The following BAZ1A variants were observed in gnomAD, a reference collection of about 807,000 sequenced individuals.
The protein encoded by BAZ1A is bromodomain adjacent to zinc finger domain protein 1A.
Under a neutral mutation model 185.2 loss-of-function variants are expected in BAZ1A, and 50 were observed. That is an observed-to-expected ratio of 0.27 (90% CI 0.22 to 0.34). The LOEUF (loss-of-function observed/expected upper bound fraction) is 0.34, where lower values mean the gene tolerates loss of function less well. Among genes scored for constraint, BAZ1A ranks in the 10% least tolerant of loss-of-function variants. BAZ1A has a pLI of 1.00. For synonymous variants in BAZ1A, 571 were observed against 615.6 expected (o/e 0.93, Z 1.07); for missense variants, 1,356 against 1,839.9 (o/e 0.74, Z 4.81).
chr14:34,794,951 A>T (rs1486220181), intron 10 of BAZ1A, 64 bp from the exon 11 acceptor site: 1 of 1,576,308 alleles, frequency 6.3e-7, no homozygotes, highest in Non-Finnish European at 8.6e-7. Context: ...AAAGGCAGAG[A>T]TGACATACTT....
At chr14:34,843,425 G>A (rs1164339742) in intron 3 of BAZ1A, among the ~76,000 whole-genome samples, 1 of 152,078 alleles carries the variant, frequency 6.6e-6, no homozygotes, top group Non-Finnish European at 1.5e-5. Flanking sequence ...AACAAGTTAG[G>A]GCTAGTCGCC....
chr14:34,830,059 G>A (rs1261596981), intron 3 of BAZ1A, among the ~76,000 whole-genome samples: 2 of 152,104 alleles, frequency 1.3e-5, no homozygotes, highest in Non-Finnish European at 2.9e-5. Flanking sequence ...TAATAGTATT[G>A]GTGAGGATGT....
At chr14:34,833,202 G>A (rs550565421) in intron 3 of BAZ1A, among the ~76,000 whole-genome samples, 1 of 152,076 alleles carries the variant, frequency 6.6e-6, no homozygotes, top group Admixed American at 6.6e-5. Flanking sequence ...CTACACTTCA[G>A]ACACTGTCTC....
chr14:34,873,640 C>G (rs1251068011), intron 2 of BAZ1A, among the ~76,000 whole-genome samples: 1 of 152,210 alleles, frequency 6.6e-6, no homozygotes, highest in Non-Finnish European at 1.5e-5. Context: ...CAACCTCCAC[C>G]GCGCTTCCCG....
intron 25 of BAZ1A, among the ~76,000 whole-genome samples, chr14:34,756,466 A>AT (rs1158606061): frequency 0.17 from 13,569 of 78,312 alleles, 2,196 homozygotes; most frequent in East Asian, 0.38. Flanking sequence ...CAGAATACCT[A>AT]TTTTTTTTTT....
At position 34,758,840 on chromosome 14, in the gene BAZ1A, G is replaced by A. The variant is rs895954036; in HGVS notation, c.4250C>T (p.Ser1417Leu). Residue 1417 changes from serine (S) to leucine (L), a missense_variant, in exon 25 of 27, where the codon TCG becomes TTG. By Grantham distance (145) the Ser-to-Leu change is moderately radical. Coordinates refer to ENST00000360310, the MANE Select transcript of BAZ1A (RefSeq NM_013448.3). ...ACTCCTTCGACCCAGTGTCACAGGC[G>A]ATGGCTCTGAGTAAATAATTACAAC... ...RCRKRQSPEP[S>L]PVTLGRRSSG... 13 of 1,613,526 alleles carry A rather than the reference G, an allele frequency of 8.1e-6. No individual in the cohort carries two copies. The highest frequency in any genetic ancestry group is 4.5e-5 in the East Asian group (2 of 44,892).
chr14:34,847,887 T>G (rs1337868192), intron 3 of BAZ1A, among the ~76,000 whole-genome samples: 1 of 152,208 alleles, frequency 6.6e-6, no homozygotes, highest in Non-Finnish European at 1.5e-5. Context: ...TGAGATAGTG[T>G]CTCGCTCTGT....
chr14:34,821,430 C>T (rs1483726113), intron 4 of BAZ1A, among the ~76,000 whole-genome samples: 1 of 152,152 alleles, frequency 6.6e-6, no homozygotes, highest in African/African-American at 2.4e-5. Flanking sequence ...AAACAACCTA[C>T]TAAAACATGA....
chr14:34,774,237 A>T lies in BAZ1A; in HGVS notation c.2997+90T>A, dbSNP rs2138582133. 4.9e-6 allele frequency: 5 copies of T among 1,030,384 alleles called. No individual in the cohort carries two copies. The South Asian group carries it at 1.0e-4, about 21-fold the overall frequency. 63.8% of individuals were successfully genotyped at this position (1,030,384 alleles called of 1,614,324 possible). On this transcript the variant is annotated intron_variant, in intron 19 of 26. Coordinates refer to ENST00000360310, the MANE Select transcript of BAZ1A (RefSeq NM_013448.3). ...TCTCTGGTGTTTATTCAAAACACATATGCCTTGTCTATGCCATATAATTAA... is the reference window on the plus strand; with the variant it reads ...TCTCTGGTGTTTATTCAAAACACATTTGCCTTGTCTATGCCATATAATTAA...
At chr14:34,822,161 G>A (rs1373240867) in intron 4 of BAZ1A, among the ~76,000 whole-genome samples, 1 of 152,022 alleles carries the variant, frequency 6.6e-6, no homozygotes, top group East Asian at 1.9e-4. Context: ...TGGGTGTGGT[G>A]GCATGCACCT....
chr14:34,764,299 TTTTTTTTTTGAGATGGAG>T (rs1348154676), intron 23 of BAZ1A, among the ~76,000 whole-genome samples: 122 of 146,250 alleles, frequency 8.3e-4, no homozygotes, highest in Non-Finnish European at 1.3e-3. Context: ...CTTTTTTTTT[TTTTTTTTTTGAGATGGAG>T]TCTCGCTCTT....
At chr14:34,852,783 T>C (rs1369695508) in intron 3 of BAZ1A, among the ~76,000 whole-genome samples, 1 of 152,172 alleles carries the variant, frequency 6.6e-6, no homozygotes, top group Non-Finnish European at 1.5e-5. Context: ...GTTCATTTAA[T>C]ACGTGAAAAA....
intron 2 of BAZ1A, among the ~76,000 whole-genome samples, chr14:34,863,226 G>A (rs1182308906): frequency 3.0e-5 from 4 of 133,666 alleles, no homozygotes; most frequent in East Asian, 2.2e-4. Context: ...GTGCAATGGC[G>A]CGATCTCGGC....
intron 2 of BAZ1A, among the ~76,000 whole-genome samples, chr14:34,864,769 G>A (rs971073981): frequency 4.0e-5 from 5 of 123,730 alleles, no homozygotes; most frequent in East Asian, 4.6e-4. Context: ...CGCACACAGC[G>A]CAATAAATTT....
chr14:34,756,489 T>C (rs2138523600), intron 25 of BAZ1A, among the ~76,000 whole-genome samples: 1 of 144,538 alleles, frequency 6.9e-6, no homozygotes, highest in African/African-American at 2.6e-5. Context: ...TTTTTTTTTT[T>C]TTGAGACAGA....
chr14:34,802,744 T>C (rs1881634001), intron 7 of BAZ1A, 110 bp downstream of exon 7: 4 of 1,169,806 alleles, frequency 3.4e-6, no homozygotes, highest in Non-Finnish European at 4.7e-6. Flanking sequence ...GGTGAGGTAA[T>C]GAGTTTCTTC....
rs371214248 is a variant in BAZ1A at position 34,783,748 on chromosome 14, C to G, written c.1997+14G>C. The G allele has an allele frequency of 1.4e-5, 22 of 1,598,580 alleles. No individual in the cohort carries two copies. In the African/African-American group the frequency reaches 2.8e-4, roughly 21 times the overall value. On this transcript the variant is annotated intron_variant, in intron 15 of 26. Coordinates refer to ENST00000360310, the MANE Select transcript of BAZ1A (RefSeq NM_013448.3). ...ACAGCTTTCATTAACACAACTATTA[C>G]AATTATCTCTTACCTGGCAGCTGCT...
At position 34,753,437 on chromosome 14, in the gene BAZ1A, C is replaced by G; in HGVS notation, c.*71G>C. 1 of 1,488,522 alleles carries G rather than the reference C, an allele frequency of 6.7e-7. No individual in the cohort carries two copies. The highest frequency in any genetic ancestry group is 2.3e-5 in the East Asian group (1 of 43,172). 92.2% of individuals were successfully genotyped at this position (1,488,522 alleles called of 1,614,324 possible). A position where few individuals can be genotyped will look rare whatever the true frequency, so the allele number is the denominator to read the frequency against. On this transcript the variant is annotated 3_prime_UTR_variant, in exon 27 of 27. Transcript: ENST00000360310. ...GTCAATCAATTGTTATTGCTTTATA[C>G]AGCATGATTTAATGTTCCATTTTCA...
chr14:34,777,815 A>C (rs1301039545), intron 17 of BAZ1A, among the ~76,000 whole-genome samples: 2 of 151,906 alleles, frequency 1.3e-5, no homozygotes, highest in African/African-American at 4.8e-5. Context: ...AACATGGCAA[A>C]ACCCATCATT....
Sources: gnomAD v4.1 joint callset for allele counts (sites outside exome capture counted in the v4.1 genomes callset) on GRCh38, gnomAD v4.1.1 for gene constraint, MANE v1.5 for transcripts, NCBI Gene and HGNC (gene_info 2026-07-23, HGNC 2026-07-21) for gene names.